The following MAGED1 variants were observed in gnomAD, a reference collection of about 807,000 sequenced individuals.
MAGED1 encodes melanoma-associated antigen D1.
A neutral mutation model predicts 54.1 loss-of-function variants in MAGED1; 3 were observed. That is an observed-to-expected ratio of 0.06 (90% CI 0.03 to 0.14). The LOEUF is 0.14. Among genes scored for constraint, MAGED1 ranks in the 10% least tolerant of loss-of-function variants. The pLI is 1.00. For synonymous variants in MAGED1, 217 were observed against 227.3 expected (o/e 0.95, Z 0.41); for missense variants, 485 against 623.4 (o/e 0.78, Z 2.36).
At chrX:51,890,288 A>G (rs1230165841), upstream of MAGED1, among the ~76,000 whole-genome samples, 1 of 112,517 alleles carries the variant, frequency 8.9e-6, no homozygotes, top group Admixed American at 9.4e-5. Flanking sequence ...CCATTGGGAG[A>G]GTACAACTGA....
intron 1 of MAGED1, chrX:51,857,331 G>C (rs1216359785): frequency 8.9e-6 from 1 of 111,813 alleles, no homozygotes; most frequent in Non-Finnish European, 1.9e-5. Context: ...ATACTGGACA[G>C]AATCCCTATG....
chrX:51,820,110 C>T (rs782287373), intron 1 of MAGED1, among the ~76,000 whole-genome samples: 2 of 111,819 alleles, frequency 1.8e-5, no homozygotes, highest in Non-Finnish European at 3.8e-5. Context: ...TATCTACACT[C>T]TCAATTCTGT....
In MAGED1 at chrX:51,897,536, C is replaced by G. The variant is rs782473633; in HGVS notation, c.1487-11C>G. ...CGCTCGGCTCAGATGGCTCCCTCCT[C>G]TCTCCTACAGAAATGCTGAGAGATA... is the stretch of plus-strand genomic sequence containing the variant. On this transcript the variant is annotated splice_polypyrimidine_tract_variant and intron_variant, in intron 5 of 12. Transcript: ENST00000326587. The G allele has an allele frequency of 1.0e-5, 12 of 1,191,358 alleles. No individual in the cohort carries two copies. The East Asian group carries it at 3.0e-4, about 30-fold the overall frequency.
chrX:51,817,164 C>T (rs1460487974), intron 1 of MAGED1, among the ~76,000 whole-genome samples: 1 of 111,876 alleles, frequency 8.9e-6, no homozygotes, highest in Non-Finnish European at 1.9e-5. Flanking sequence ...ATCCGTTTGA[C>T]AATGTGAGAT....
In MAGED1 at chrX:51,812,027, G is replaced by A. The variant is rs187677087; in HGVS notation, c.-37+8910G>A. The stretch of plus-strand genomic sequence containing the variant: ...AGGTAGACATAGACATTGCAACAGC[G>A]GTGCTATGCTAGAGGAGAGACCAAG... On this transcript the variant is annotated intron_variant, in intron 1 of 12. Coordinates refer to the MAGED1 transcript ENST00000375772. Among the ~76,000 whole-genome samples, 350 of 110,326 alleles carry A rather than the reference G, an allele frequency of 3.2e-3. 1 individual carries two copies. The highest frequency in any genetic ancestry group is 3.7e-3 in the Non-Finnish European group (194 of 52,799).
At chrX:51,859,762 A>C (rs1254906742) in intron 1 of MAGED1, among the ~76,000 whole-genome samples, 1 of 111,179 alleles carries the variant, frequency 9.0e-6, no homozygotes, top group Non-Finnish European at 1.9e-5. Context: ...ACTTATAGAG[A>C]GAGAATGTGA....
chrX:51,856,478 G>A (rs1160201595), intron 1 of MAGED1, among the ~76,000 whole-genome samples: 10 of 112,238 alleles, frequency 8.9e-5, no homozygotes, highest in African/African-American at 2.9e-4. Context: ...ATTAATTGAT[G>A]ACTAACAAAA....
chrX:51,832,884 G>T, intron 1 of MAGED1, among the ~76,000 whole-genome samples: 1 of 111,599 alleles, frequency 9.0e-6, no homozygotes, highest in East Asian at 2.8e-4. Context: ...TAGCATCTCA[G>T]TGTTAGCCCC....
At chrX:51,848,705 C>T (rs72619093) in intron 1 of MAGED1, among the ~76,000 whole-genome samples, 2 of 111,767 alleles carry the variant, frequency 1.8e-5, no homozygotes, top group East Asian at 2.8e-4. Flanking sequence ...CAAAATATGC[C>T]GGTGGCTTGA....
chrX:51,894,653 T>G lies in MAGED1; in HGVS notation c.45+304T>G, dbSNP rs782593947. 9.2e-5 allele frequency: 109 copies of G among 1,188,564 alleles called. No individual in the cohort carries two copies. The highest frequency in any genetic ancestry group is 1.2e-4 in the Non-Finnish European group (102 of 886,831). The stretch of plus-strand genomic sequence containing the variant: ...ATCCTGACGCTTGTAGAGCAGTCTG[T>G]CACCCCCTCCCCCAGCCTCCTGCCT... On this transcript the variant is annotated intron_variant, in intron 2 of 12. Coordinates refer to ENST00000326587, the MANE Select transcript of MAGED1 (RefSeq NM_006986.4).
chrX:51,808,937 C>A (rs1437619505), intron 1 of MAGED1, among the ~76,000 whole-genome samples: 1 of 111,286 alleles, frequency 9.0e-6, no homozygotes, highest in Non-Finnish European at 1.9e-5. Flanking sequence ...ATAATAATTT[C>A]TTTCTTTTTT....
intron 1 of MAGED1, among the ~76,000 whole-genome samples, chrX:51,815,355 A>G (rs1925378969): frequency 9.0e-6 from 1 of 110,979 alleles, no homozygotes; most frequent in Admixed American, 9.7e-5. Context: ...TTCCGGTGGG[A>G]CAAGATGTGG....
At chrX:51,826,219 T>A (rs1557356957) in intron 1 of MAGED1, among the ~76,000 whole-genome samples, 1 of 112,334 alleles carries the variant, frequency 8.9e-6, no homozygotes, top group Admixed American at 9.4e-5. Context: ...TTATTAGATG[T>A]CTCTTTGGGG....
chrX:51,824,951 A>G (rs1219417662), intron 1 of MAGED1, among the ~76,000 whole-genome samples: 2 of 102,181 alleles, frequency 2.0e-5, no homozygotes, highest in African/African-American at 7.3e-5. Context: ...TATCTTGCTG[A>G]CTATTTTTTT....
chrX:51,851,895 G>A (rs1417098609), intron 1 of MAGED1, among the ~76,000 whole-genome samples: 1 of 111,755 alleles, frequency 8.9e-6, no homozygotes, highest in African/African-American at 3.3e-5. Flanking sequence ...CACAGATAAG[G>A]GGGTACTGCT....
intron 1 of MAGED1, among the ~76,000 whole-genome samples, chrX:51,862,330 C>A (rs1316405569): frequency 9.0e-6 from 1 of 110,954 alleles, no homozygotes; most frequent in Non-Finnish European, 1.9e-5. Flanking sequence ...GTGCCTGATA[C>A]ATGATAGACA....
chrX:51,897,407 C>T, intron 5 of MAGED1, 136 bp downstream of exon 5: 2 of 734,273 alleles, frequency 2.7e-6, no homozygotes, highest in Non-Finnish European at 2.1e-6. Flanking sequence ...ATGACCCTTC[C>T]CCTTCTATCC....
intron 1 of MAGED1, among the ~76,000 whole-genome samples, chrX:51,877,601 AAAAT>A (rs1927918722): frequency 8.9e-6 from 1 of 111,764 alleles, no homozygotes; most frequent in African/African-American, 3.2e-5. Context: ...CTAGTGAACA[AAAAT>A]AAATGGAAAC....
upstream of MAGED1, among the ~76,000 whole-genome samples, chrX:51,892,210 T>C (rs1323785738): frequency 8.8e-6 from 1 of 113,006 alleles, no homozygotes; most frequent in African/African-American, 3.2e-5. Context: ...CCAGTTATCC[T>C]GGAAGCATAG....
Sources: gnomAD v4.1 joint callset for allele counts (sites outside exome capture counted in the v4.1 genomes callset) on GRCh38, gnomAD v4.1.1 for gene constraint, MANE v1.5 for transcripts, NCBI Gene and HGNC (gene_info 2026-07-23, HGNC 2026-07-21) for gene names.